Variants in COG8 observed in about 807,000 individuals in gnomAD.
The protein encoded by COG8 is component of oligomeric golgi complex 8, also known as conserved oligomeric Golgi complex subunit 8.
In COG8, 45 loss-of-function variants were observed where a neutral mutation model predicts 46.5. That is an observed-to-expected ratio of 0.97 (90% CI 0.76 to 1.24). The LOEUF (loss-of-function observed/expected upper bound fraction) is 1.24. COG8 is among the 50% of genes most tolerant of loss of function. The pLI is 0.00. For synonymous variants in COG8, 407 were observed against 347.8 expected (o/e 1.17, Z -1.90); for missense variants, 793 against 820.8 (o/e 0.97, Z 0.41).
chr16:69,339,300 C>G lies in COG8; in HGVS notation c.253G>C (p.Ala85Pro). ...LLQQTRDLAF[A>P]NYKTFIRGAE... ...CCGCGGATGAAGGTCTTGTAGTTAG[C>G]GAAGGCCAAGTCGCGCGTCTGCTGC... is the stretch of plus-strand genomic sequence containing the variant. Residue 85 changes from alanine to proline, a missense_variant, in exon 1 of 6, where the codon GCT (alanine) becomes CCT (proline). Physicochemically the swap from Ala to Pro is conservative, Grantham distance 27. Transcript: ENST00000306875. 1.9e-6 allele frequency: 3 copies of G among 1,611,872 alleles called. No individual in the cohort carries two copies. Among genetic ancestry groups the G allele is most frequent in the Non-Finnish European group, 1.7e-6 (2 of 1,179,576 alleles).
At chr16:69,336,385 C>A in intron 2 of COG8, 120 bp downstream of exon 2, 1 of 868,774 alleles carries the variant, frequency 1.2e-6, no homozygotes, top group Non-Finnish European at 1.8e-6. Context: ...TTCAGGCATA[C>A]CTGGCTGGCA....
In COG8 at chr16:69,335,225, C is replaced by T. The variant is rs760792801; in HGVS notation, c.709G>A (p.Val237Ile). 7 of 1,614,102 alleles carry T rather than the reference C, an allele frequency of 4.3e-6. No individual in the cohort carries two copies. Among genetic ancestry groups the T allele is most frequent in the East Asian group, 2.2e-5 (1 of 44,890 alleles). Residue 237 changes from valine (V) to isoleucine (I), a missense_variant, in exon 3 of 6, where the codon GTC becomes ATC. Physicochemically the swap from Val to Ile is conservative, Grantham distance 29 (BLOSUM62 3). Transcript: ENST00000306875. Reference protein sequence around the residue: ...RVIGYLRRMDVFTEAELRVKF... With the variant: ...RVIGYLRRMDIFTEAELRVKF... ...ACCCTCAACTCAGCCTCAGTGAAGACGTCCATGCGCCGCAGGTAGCCAATG... is the reference window on the plus strand; with the variant it reads ...ACCCTCAACTCAGCCTCAGTGAAGATGTCCATGCGCCGCAGGTAGCCAATG...
chr16:69,330,561 G>A, intron 5 of COG8: 4 of 1,465,626 alleles, frequency 2.7e-6, no homozygotes, highest in East Asian at 2.9e-5. Context: ...GCGCCCCACA[G>A]CCGGGCCATG....
Position 69,329,898 on chromosome 16 carries a change from G to A in COG8, c.*27-719C>T, listed in dbSNP as rs1375275313. The A allele has an allele frequency of 5.2e-6, 7 of 1,356,890 alleles. No individual in the cohort carries two copies. The East Asian group carries it at 1.5e-4, about 29-fold the overall frequency. The allele number at this position is 1,356,890 out of a possible 1,614,324, so 84.1% of individuals were successfully genotyped here. The stretch of plus-strand genomic sequence containing the variant: ...CGCATCCCACTTCGCTCCTGCGGGA[G>A]GTCCGGCGTATGAACCGCGACCACT... On this transcript the variant is annotated intron_variant, in intron 5 of 5. Coordinates refer to ENST00000306875, the MANE Select transcript of COG8 (RefSeq NM_032382.5).
rs1403267016 is a variant in COG8 at position 69,335,014 on chromosome 16, T to G, written c.920A>C (p.His307Pro). The G allele has an allele frequency of 6.2e-7, 1 of 1,614,152 alleles. No individual in the cohort carries two copies. The highest frequency in any genetic ancestry group is 1.1e-5 in the South Asian group (1 of 91,076). Residue 307 changes from histidine to proline, a missense_variant, in exon 3 of 6, where the codon CAC becomes CCC. Coordinates refer to ENST00000306875, the MANE Select transcript of COG8 (RefSeq NM_032382.5). ...DPLLPPAMGE[H>P]TVNESAIFHG... The stretch of plus-strand genomic sequence containing the variant: ...GAAGATGGCACTCTCATTCACAGTG[T>G]GCTCACCCATGGCAGGGGGCAGCAG...
chr16:69,328,007 G>A lies in COG8; in HGVS notation c.*1199C>T, dbSNP rs934580742. The A allele has an allele frequency of 6.6e-6, 1 of 152,072 alleles. No homozygotes were observed. Among genetic ancestry groups the A allele is most frequent in the Admixed American group, 6.6e-5 (1 of 15,264 alleles). 9.4% of individuals were successfully genotyped at this position (152,072 alleles called of 1,614,324 possible). On this transcript the variant is annotated 3_prime_UTR_variant, in exon 6 of 6. Coordinates refer to ENST00000306875, the MANE Select transcript of COG8 (RefSeq NM_032382.5). Reference sequence around the variant, plus strand: ...TCGCCCAGGCTGGATGGAGTGCAGTGGCGTGATCTCAGCTCACTGTAACCT... The same window carrying A: ...TCGCCCAGGCTGGATGGAGTGCAGTAGCGTGATCTCAGCTCACTGTAACCT...
Position 69,332,819 on chromosome 16 carries a change from C to A in COG8, c.1477G>T (p.Glu493Ter). Residue 493 changes from glutamate (E) to a stop codon, truncating the protein, a stop_gained, in exon 4 of 6, where the codon GAG becomes TAG. Transcript: ENST00000306875. LOFTEE classifies it high-confidence loss of function. ...EEAAFSSGEQELFVQFCTVFL... is the reference protein window; with the variant it reads ...EEAAFSSGEQ ...ACAGTGCAGAACTGGACAAAGAGCT[C>A]TTGCTCCCCGCTGCTGAAGGCAGCC... 6.2e-7 allele frequency: 1 copy of A among 1,614,240 alleles called. No homozygotes were observed. Among genetic ancestry groups the A allele is most frequent in the Non-Finnish European group, 8.5e-7 (1 of 1,180,044 alleles).
chr16:69,330,453 C>A, intron 5 of COG8: 2 of 1,472,356 alleles, frequency 1.4e-6, no homozygotes, highest in South Asian at 1.3e-5. Flanking sequence ...GCCGGGCCCT[C>A]GACGCCGTCC....
Position 69,328,952 on chromosome 16 carries a change from G to C in COG8, c.*254C>G. 6.4e-7 allele frequency: 1 copy of C among 1,554,538 alleles called. No individual in the cohort carries two copies. Among genetic ancestry groups the C allele is most frequent in the Non-Finnish European group, 8.6e-7 (1 of 1,160,912 alleles). On this transcript the variant is annotated 3_prime_UTR_variant, in exon 6 of 6. Transcript: ENST00000306875. ...AGCCATCCAAGTTGATGCCAAGTAA[G>C]ATTTGCCCAGCTCAAAGTGAAAGTG... is the stretch of plus-strand genomic sequence containing the variant.
At position 69,334,797 on chromosome 16, in the gene COG8, G is replaced by A. The variant is rs530066629; in HGVS notation, c.1137C>T (p.Phe379=). 4.3e-6 allele frequency: 7 copies of A among 1,614,168 alleles called. No homozygotes were observed. The African/African-American group carries it at 6.7e-5, about 15-fold the overall frequency. Residue 379 remains phenylalanine (F), a synonymous_variant, in exon 3 of 6, where the codon TTC becomes TTT. Coordinates refer to ENST00000306875, the MANE Select transcript of COG8 (RefSeq NM_032382.5). ...PVFQRVAIST[F]QKAIQETVEK... ...CCACTGTTTCCTGAATTGCTTTCTG[G>A]AAAGTGCTGATGGCCACCCGCTGGA...
At position 69,339,301 on chromosome 16, in the gene COG8, G is replaced by A. The variant is rs1432576424; in HGVS notation, c.252C>T (p.Phe84=). The A allele has an allele frequency of 5.0e-6, 8 of 1,611,788 alleles. No individual in the cohort carries two copies. The highest frequency in any genetic ancestry group is 2.2e-5 in the East Asian group (1 of 44,856). The change falls in exon 1 of 6, where the codon TTC becomes TTT. Residue 84 remains phenylalanine (F), a synonymous_variant. Coordinates refer to ENST00000306875, the MANE Select transcript of COG8 (RefSeq NM_032382.5). ...QLLQQTRDLA[F]ANYKTFIRGA... ...CGCGGATGAAGGTCTTGTAGTTAGC[G>A]AAGGCCAAGTCGCGCGTCTGCTGCA...
rs745439091 is a variant in COG8, at chr16:69,331,091, A to T, written c.1587T>A (p.Ile529=). 18 of 1,613,908 alleles carry T rather than the reference A, an allele frequency of 1.1e-5. No individual in the cohort carries two copies. Among genetic ancestry groups the T allele is most frequent in the South Asian group, 2.2e-5 (2 of 91,070 alleles). ...CGTACTTGGAGAGCTGAGTGGGAGG[A>T]ATGCCTAACCCAGACGTGGGGAAAG... ...PPAQIAQTLG[I]PPTQLSKYGN... is the part of the protein sequence containing the mutation. Residue 529 remains isoleucine (I), a synonymous_variant, in exon 5 of 6, where the codon ATT becomes ATA. Coordinates refer to ENST00000306875, the MANE Select transcript of COG8 (RefSeq NM_032382.5).
chr16:69,337,029 T>G (rs2012244256), intron 1 of COG8, among the ~76,000 whole-genome samples: 1 of 152,210 alleles, frequency 6.6e-6, no homozygotes, highest in African/African-American at 2.4e-5. Context: ...CCAGGCGCAG[T>G]GGCTCACGCC....
Position 69,335,230 on chromosome 16 carries a change from A to G in COG8, c.704T>C (p.Met235Thr), listed in dbSNP as rs201646246. Residue 235 changes from methionine to threonine, a missense_variant, in exon 3 of 6, where the codon ATG becomes ACG. Coordinates refer to ENST00000306875, the MANE Select transcript of COG8 (RefSeq NM_032382.5). The part of the protein sequence containing the change: ...CLRVIGYLRR[M>T]DVFTEAELRV... ...CAACTCAGCCTCAGTGAAGACGTCC[A>G]TGCGCCGCAGGTAGCCAATGACACG... is the stretch of plus-strand genomic sequence containing the variant. 5.9e-4 allele frequency: 959 copies of G among 1,614,070 alleles called. 17 individuals carry two copies. The South Asian group carries it at 9.3e-3, about 16-fold the overall frequency.
At position 69,339,496 on chromosome 16, in the gene COG8, G is replaced by A. The variant is rs1327141920; in HGVS notation, c.57C>T (p.Gly19=). Residue 19 remains glycine, a synonymous_variant, in exon 1 of 6, where the codon GGC becomes GGT. Coordinates refer to ENST00000306875, the MANE Select transcript of COG8 (RefSeq NM_032382.5). ...CCAGGAGCCCTTCATCCTCCACCTC[G>A]CCGAGAGCCGCTGCTGTGGCCGTGG... ...SVATATAAAL[G]EVEDEGLLAS... The A allele has an allele frequency of 1.2e-6, 2 of 1,606,124 alleles. No homozygotes were observed. The highest frequency in any genetic ancestry group is 1.7e-5 in the Admixed American group (1 of 59,958).
chr16:69,332,147 T>C (rs979905981), intron 4 of COG8, among the ~76,000 whole-genome samples: 2 of 152,110 alleles, frequency 1.3e-5, no homozygotes, highest in South Asian at 2.1e-4. Context: ...GGTCAAGAGA[T>C]AGAGACCATC....
At position 69,335,298 on chromosome 16, in the gene COG8, C is replaced by G. The variant is rs367754513; in HGVS notation, c.636G>C (p.Leu212=). The G allele has an allele frequency of 5.6e-6, 9 of 1,610,804 alleles. No homozygotes were observed. The highest frequency in any genetic ancestry group is 1.3e-5 in the African/African-American group (1 of 74,892). ...GGATGTTGGTCCTCAGTTGCTGGATCAGCTGGCTCAGCATCAGCTGCATGG... is the reference window on the plus strand; with the variant it reads ...GGATGTTGGTCCTCAGTTGCTGGATGAGCTGGCTCAGCATCAGCTGCATGG... ...RQSMQLMLSQ[L]IQQLRTNIQL... Residue 212 remains leucine (L), a synonymous_variant, in exon 3 of 6, where the codon CTG becomes CTC. Transcript: ENST00000306875.
chr16:69,330,327 C>G (rs1311839984), intron 5 of COG8: 9 of 1,450,654 alleles, frequency 6.2e-6, no homozygotes, highest in Non-Finnish European at 8.1e-6. Flanking sequence ...GCCCGCTCCA[C>G]CGGGGCCGCC....
rs1249475861 is a variant in COG8, at chr16:69,334,617, G to C, written c.1317C>G (p.Leu439=). Residue 439 remains leucine (L), a synonymous_variant, in exon 3 of 6, where the codon CTC becomes CTG. Transcript: ENST00000306875. The part of the protein sequence containing the change: ...LLDFPPLACF[L]NNILVAFNDL... ...CATTGAAGGCAACCAGAATATTGTT[G>C]AGAAAGCAGGCGAGGGGTGGGAAAT... The C allele has an allele frequency of 6.2e-7, 1 of 1,614,210 alleles. No homozygotes were observed. The highest frequency in any genetic ancestry group is 1.7e-5 in the Admixed American group (1 of 60,030).
Sources: allele counts gnomAD v4.1 joint callset (sites outside exome capture counted in the v4.1 genomes callset), GRCh38; gene constraint gnomAD v4.1.1; transcripts MANE v1.5; gene names NCBI Gene and HGNC (gene_info 2026-07-23, HGNC 2026-07-21).